The following MAN1C1 variants were observed in gnomAD, a reference collection of about 807,000 sequenced individuals.
MAN1C1 encodes mannosidase alpha class 1C member 1.
Under a neutral mutation model 71.5 loss-of-function variants are expected in MAN1C1, and 49 were observed. The observed-to-expected ratio is 0.69, with a 90% confidence interval of 0.54 to 0.87. The LOEUF (loss-of-function observed/expected upper bound fraction) is 0.87. MAN1C1 is among the 40% of genes least tolerant of loss of function. MAN1C1 has a pLI of 0.00. For synonymous variants in MAN1C1, 352 were observed against 343.7 expected (o/e 1.02, Z -0.27); for missense variants, 743 against 835.0 (o/e 0.89, Z 1.36).
At position 25,698,499 on chromosome 1, in the gene MAN1C1, G is replaced by A. The variant is rs148334439; in HGVS notation, c.637+11963G>A. ...TACAGACTGTTTAGGCATAAGACAA[G>A]TAGCAGGGAGCAAGACAGACGCTCT... is the stretch of plus-strand genomic sequence containing the variant. On this transcript the variant is annotated intron_variant, in intron 2 of 11. Coordinates refer to ENST00000374332, the MANE Select transcript of MAN1C1 (RefSeq NM_020379.4). 3.2e-4 allele frequency among the ~76,000 whole-genome samples: 48 copies of A among 152,296 alleles called. No individual in the cohort carries two copies. The East Asian group carries it at 9.3e-3, about 29-fold the overall frequency.
intron 2 of MAN1C1, among the ~76,000 whole-genome samples, chr1:25,722,660 T>C (rs2046782237): frequency 6.6e-6 from 1 of 152,262 alleles, no homozygotes; most frequent in Non-Finnish European, 1.5e-5. Context: ...TTTGAAGTTT[T>C]CTTCTTCCTG....
At chr1:25,774,969 T>C (rs2047600181) in intron 8 of MAN1C1, among the ~76,000 whole-genome samples, 1 of 152,222 alleles carries the variant, frequency 6.6e-6, no homozygotes, top group Non-Finnish European at 1.5e-5. Flanking sequence ...TGCATCTGCG[T>C]GTCTCAGTTG....
At chr1:25,622,488 A>C (rs964165894) in intron 1 of MAN1C1, among the ~76,000 whole-genome samples, 1 of 152,228 alleles carries the variant, frequency 6.6e-6, no homozygotes, top group Non-Finnish European at 1.5e-5. Context: ...CTAGTGGCTA[A>C]GGCTGGGTCT....
At chr1:25,682,566 C>T (rs1189194870) in intron 1 of MAN1C1, among the ~76,000 whole-genome samples, 1 of 152,166 alleles carries the variant, frequency 6.6e-6, no homozygotes, top group Non-Finnish European at 1.5e-5. Flanking sequence ...TAGGTGAGTG[C>T]ACTTCAAGAG....
At chr1:25,743,313 C>T (rs951498372) in intron 2 of MAN1C1, among the ~76,000 whole-genome samples, 63 of 152,306 alleles carry the variant, frequency 4.1e-4, no homozygotes, top group African/African-American at 1.3e-3. Context: ...ACATGGAGCC[C>T]GCCCCAGCCA....
Position 25,764,554 on chromosome 1 carries a change from A to G in MAN1C1, c.1141+587A>G, listed in dbSNP as rs1369563757. On this transcript the variant is annotated intron_variant, in intron 7 of 11. Coordinates refer to ENST00000374332, the MANE Select transcript of MAN1C1 (RefSeq NM_020379.4). This position sits in a 1 kb window ranked among gnomAD's most constrained non-coding sequence, Gnocchi z 4.4. ...CAGCCACCCGAGTAGCTGGGACTACAAGCATGTGCCACCATGTCTGGCTAC... is the reference window on the plus strand; with the variant it reads ...CAGCCACCCGAGTAGCTGGGACTACGAGCATGTGCCACCATGTCTGGCTAC... Among the ~76,000 whole-genome samples the G allele has an allele frequency of 6.6e-6, 1 of 151,870 alleles. No individual in the cohort carries two copies. Among genetic ancestry groups the G allele is most frequent in the Non-Finnish European group, 1.5e-5 (1 of 67,988 alleles).
Position 25,753,631 on chromosome 1 carries a change from T to C in MAN1C1, c.929+53T>C. 2 of 1,535,954 alleles carry C rather than the reference T, an allele frequency of 1.3e-6. No homozygotes were observed. The highest frequency in any genetic ancestry group is 1.8e-6 in the Non-Finnish European group (2 of 1,117,910). ...GGCTTTACTGCGACCATGCCCACCATTTGTGTTTTGTCTGGGTGGTGCTGG... is the reference window on the plus strand; with the variant it reads ...GGCTTTACTGCGACCATGCCCACCACTTGTGTTTTGTCTGGGTGGTGCTGG... On this transcript the variant is annotated intron_variant, in intron 5 of 11. Coordinates refer to ENST00000374332, the MANE Select transcript of MAN1C1 (RefSeq NM_020379.4). This position sits in a 1 kb window ranked among gnomAD's most constrained non-coding sequence, Gnocchi z 4.9.
intron 2 of MAN1C1, among the ~76,000 whole-genome samples, chr1:25,717,240 G>T (rs2046692995): frequency 6.6e-6 from 1 of 152,204 alleles, no homozygotes; most frequent in African/African-American, 2.4e-5. Flanking sequence ...GTTGGGCACA[G>T]TGGCTCACAC....
intron 4 of MAN1C1, among the ~76,000 whole-genome samples, chr1:25,749,597 G>A (rs564926849): frequency 6.6e-6 from 1 of 152,302 alleles, no homozygotes; most frequent in African/African-American, 2.4e-5. Context: ...ACACAAAGCA[G>A]CGGCAGCAAG....
In MAN1C1 at chr1:25,746,585, G is replaced by T; in HGVS notation, c.638-83G>T. ...CACCAAGCCTGCGCTGGCATTGGAG[G>T]GGCCCTGAGAACGGTGGCTTGTCCA... On this transcript the variant is annotated intron_variant, in intron 2 of 11. Coordinates refer to ENST00000374332, the MANE Select transcript of MAN1C1 (RefSeq NM_020379.4). This position sits in a 1 kb window ranked among gnomAD's most constrained non-coding sequence, Gnocchi z 4.0. 9.3e-7 allele frequency: 1 copy of T among 1,073,878 alleles called. No homozygotes were observed. The highest frequency in any genetic ancestry group is 2.6e-5 in the East Asian group (1 of 38,994). 66.5% of individuals were successfully genotyped at this position (1,073,878 alleles called of 1,614,324 possible). A position where few individuals can be genotyped will look rare whatever the true frequency, so the allele number is the denominator to read the frequency against.
At chr1:25,710,377 G>C (rs1292720731) in intron 2 of MAN1C1, among the ~76,000 whole-genome samples, 2 of 151,348 alleles carry the variant, frequency 1.3e-5, no homozygotes, top group Admixed American at 1.3e-4. Context: ...CACTGTGCTT[G>C]TTGTTGTTCA....
At chr1:25,767,442 ACT>A (rs2047449551) in intron 7 of MAN1C1, among the ~76,000 whole-genome samples, 1 of 61,194 alleles carries the variant, frequency 1.6e-5, no homozygotes, top group Non-Finnish European at 3.1e-5. Context: ...CACATTACAC[ACT>A]CCACCATACA....
chr1:25,777,005 G>C (rs2047627467), intron 8 of MAN1C1, among the ~76,000 whole-genome samples: 2 of 152,196 alleles, frequency 1.3e-5, no homozygotes, highest in South Asian at 4.1e-4. Flanking sequence ...AACTGGTGGA[G>C]ATGAAATTTG....
At chr1:25,706,525 G>T (rs528320683) in intron 2 of MAN1C1, among the ~76,000 whole-genome samples, 11 of 152,180 alleles carry the variant, frequency 7.2e-5, no homozygotes, top group Admixed American at 1.3e-4. Flanking sequence ...ACTCTGGCGG[G>T]GGGGAATCCT....
intron 1 of MAN1C1, among the ~76,000 whole-genome samples, chr1:25,635,658 A>T (rs1279625145): frequency 6.6e-6 from 1 of 152,106 alleles, no homozygotes; most frequent in East Asian, 1.9e-4. Flanking sequence ...CATGTTGGTC[A>T]GGCTGGTCTC....
chr1:25,646,694 T>C (rs1162403960), intron 1 of MAN1C1, among the ~76,000 whole-genome samples: 2 of 152,228 alleles, frequency 1.3e-5, no homozygotes, highest in African/African-American at 2.4e-5. Flanking sequence ...AATGGAACCA[T>C]AGAATATGAG....
intron 1 of MAN1C1, among the ~76,000 whole-genome samples, chr1:25,679,206 T>C (rs1413228678): frequency 2.0e-5 from 3 of 152,220 alleles, no homozygotes; most frequent in East Asian, 1.9e-4. Flanking sequence ...CTGAGACTTG[T>C]AGAAAATTCT....
chr1:25,628,363 A>G (rs1277715139), intron 1 of MAN1C1, among the ~76,000 whole-genome samples: 1 of 151,958 alleles, frequency 6.6e-6, no homozygotes, highest in Non-Finnish European at 1.5e-5. Flanking sequence ...GCTGGAGTTC[A>G]ATGGCGTGAT....
intron 1 of MAN1C1, among the ~76,000 whole-genome samples, chr1:25,685,257 G>A (rs990815163): frequency 6.6e-6 from 1 of 152,236 alleles, no homozygotes; most frequent in Non-Finnish European, 1.5e-5. Context: ...TCACGCCAAA[G>A]TCACAGAGAT....
Sources: gnomAD v4.1 joint callset for allele counts (sites outside exome capture counted in the v4.1 genomes callset) on GRCh38, gnomAD v4.1.1 for gene constraint, Gnocchi (gnomAD v3.1) non-coding constraint, MANE v1.5 for transcripts, NCBI Gene and HGNC (gene_info 2026-07-23, HGNC 2026-07-21) for gene names.